IL7: variants seen among roughly 807,000 people sequenced by gnomAD.
The protein encoded by IL7 is interleukin-7.
In IL7, 3 loss-of-function variants were observed where a neutral mutation model predicts 21.6. The observed-to-expected ratio is 0.14, with a 90% confidence interval of 0.06 to 0.36. The LOEUF (loss-of-function observed/expected upper bound fraction) is 0.36, where lower values mean the gene tolerates loss of function less well. Among genes scored for constraint, IL7 ranks in the 10% least tolerant of loss-of-function variants. IL7 has a pLI of 1.00. For synonymous variants in IL7, 62 were observed against 68.1 expected, an observed-to-expected ratio of 0.91 and a Z score of 0.44; for missense variants, 175 against 200.2, an observed-to-expected ratio of 0.87 and a Z score of 0.76.
rs187354723 is a variant in IL7, at chr8:78,783,291, T to A, written c.147+14781A>T. ...CAGGTTGCACCCATCCACGGAAAAATATGGTTTCCTGGGCAGGATGGCCAA... is the reference window on the plus strand; with the variant it reads ...CAGGTTGCACCCATCCACGGAAAAAAATGGTTTCCTGGGCAGGATGGCCAA... On this transcript the variant is annotated intron_variant, in intron 2 of 5. Transcript: ENST00000263851. Among the ~76,000 whole-genome samples the A allele has an allele frequency of 3.9e-4, 60 of 152,204 alleles. No individual in the cohort carries two copies. In the East Asian group the frequency reaches 0.011, roughly 29 times the overall value.
intron 4 of IL7, among the ~76,000 whole-genome samples, chr8:78,684,591 G>A (rs1809900357): frequency 6.6e-6 from 1 of 152,130 alleles, no homozygotes; most frequent in African/African-American, 2.4e-5. Context: ...ATCTTTATTA[G>A]AAGATATGAT....
intron 2 of IL7, among the ~76,000 whole-genome samples, chr8:78,791,170 T>C (rs753827539): frequency 5.9e-5 from 9 of 152,198 alleles, no homozygotes; most frequent in Non-Finnish European, 1.2e-4. Flanking sequence ...ATAGGAAAAC[T>C]ATTTCTGTAT....
chr8:78,695,019 ATGT>A (rs1436842078), intron 3 of IL7, among the ~76,000 whole-genome samples: 1 of 152,110 alleles, frequency 6.6e-6, no homozygotes, highest in Non-Finnish European at 1.5e-5. Flanking sequence ...TTTCAGCTTG[ATGT>A]TGTAGAATAG....
chr8:78,723,081 A>G (rs1563645608), intron 3 of IL7, among the ~76,000 whole-genome samples: 1 of 119,966 alleles, frequency 8.3e-6, no homozygotes. Flanking sequence ...CTATAAAAAT[A>G]TAGAAGTACA....
At chr8:78,737,462 G>GA (rs1044016916) in intron 4 of IL7, among the ~76,000 whole-genome samples, 7 of 151,038 alleles carry the variant, frequency 4.6e-5, no homozygotes, top group Non-Finnish European at 1.5e-5. Context: ...CCAATTTATA[G>GA]AAAAAAAAAG....
At chr8:78,752,523 T>C (rs768861530) in intron 2 of IL7, among the ~76,000 whole-genome samples, 1 of 152,204 alleles carries the variant, frequency 6.6e-6, no homozygotes, top group Non-Finnish European at 1.5e-5. Flanking sequence ...TGATTAGTGA[T>C]CTTGAGCATT....
rs190832144 is a variant in IL7, at chr8:78,680,864, G to C, written n.274-4760C>G. Among the ~76,000 whole-genome samples the C allele has an allele frequency of 5.3e-5, 8 of 152,264 alleles. No individual in the cohort carries two copies. In the East Asian group the frequency reaches 1.5e-3, roughly 29 times the overall value. Reference sequence around the variant, plus strand: ...AGATAGTATCTTTATCTCTTGTTTAGTATAGGCAAGACAGAAACTGGGAGG... The same window carrying C: ...AGATAGTATCTTTATCTCTTGTTTACTATAGGCAAGACAGAAACTGGGAGG... On this transcript the variant is annotated intron_variant and non_coding_transcript_variant, in intron 4 of 4. Transcript: ENST00000523959.
At chr8:78,766,405 TTGTC>T (rs1265954202) in intron 2 of IL7, among the ~76,000 whole-genome samples, 3 of 152,176 alleles carry the variant, frequency 2.0e-5, no homozygotes, top group East Asian at 3.9e-4. Context: ...GTGGGGAAAT[TTGTC>T]TGTGGGCACA....
chr8:78,702,888 AATTTTATTTT>A (rs963621863), intron 3 of IL7, among the ~76,000 whole-genome samples: 1 of 151,834 alleles, frequency 6.6e-6, no homozygotes, highest in East Asian at 1.9e-4. Context: ...TTATGTGATC[AATTTTATTTT>A]ATTTTATTTT....
In IL7 at chr8:78,766,292, A is replaced by C. The variant is rs115772195; in HGVS notation, c.148-26210T>G. Among the ~76,000 whole-genome samples, 146 of 152,262 alleles carry C rather than the reference A, an allele frequency of 9.6e-4. 1 individual carries two copies. Among genetic ancestry groups the C allele is most frequent in the African/African-American group, 3.3e-3 (139 of 41,580 alleles). On this transcript the variant is annotated intron_variant, in intron 2 of 5. Coordinates refer to ENST00000263851, the MANE Select transcript of IL7 (RefSeq NM_000880.4). ...TTTGACAAAACCCATAGTATGTACA[A>C]CACCAAGAGTGAATCTTAATCTAAA...
chr8:78,681,575 T>A (rs1809779290), intron 4 of IL7, among the ~76,000 whole-genome samples: 2 of 152,210 alleles, frequency 1.3e-5, no homozygotes, highest in South Asian at 4.1e-4. Flanking sequence ...TGGAAAGTTG[T>A]TTCGTTGTTT....
chr8:78,745,284 A>G (rs1811942122), intron 2 of IL7, among the ~76,000 whole-genome samples: 1 of 152,202 alleles, frequency 6.6e-6, no homozygotes, highest in African/African-American at 2.4e-5. Context: ...TCTTCTATTG[A>G]ACTTTTTCTT....
intron 5 of IL7, among the ~76,000 whole-genome samples, chr8:78,734,725 A>G (rs998351605): frequency 6.6e-6 from 1 of 152,188 alleles, no homozygotes; most frequent in East Asian, 1.9e-4. Context: ...GATAATTTAG[A>G]TAACAAGTTA....
chr8:78,705,745 G>A (rs879932913), intron 3 of IL7, among the ~76,000 whole-genome samples: 2 of 152,138 alleles, frequency 1.3e-5, no homozygotes, highest in Non-Finnish European at 2.9e-5. Context: ...CAGGGACTTT[G>A]CAAATCTCTG....
chr8:78,715,161 A>G, downstream of IL7: 2 of 1,452,454 alleles, frequency 1.4e-6, no homozygotes, highest in Non-Finnish European at 1.9e-6. Flanking sequence ...TGAATAGGTA[A>G]TTTGAGAAAT....
At chr8:78,678,842 C>G (rs1445612103) in intron 4 of IL7, 1 of 433,154 alleles carries the variant, frequency 2.3e-6, no homozygotes, top group Non-Finnish European at 3.9e-6. Context: ...TAGAAATTAT[C>G]TGAAGCTTAT....
intron 3 of IL7, chr8:78,697,639 AT>A: frequency 1.6e-6 from 1 of 624,880 alleles, no homozygotes; most frequent in Non-Finnish European, 2.6e-6. Context: ...TTAAGTAATT[AT>A]TTTTTAAAAT....
intron 3 of IL7, among the ~76,000 whole-genome samples, chr8:78,704,589 C>T (rs886921582): frequency 1.1e-4 from 16 of 152,060 alleles, no homozygotes; most frequent in African/African-American, 3.6e-4. Flanking sequence ...GGATGATCAT[C>T]TCATGAGTAT....
chr8:78,734,304 A>G (rs1586050671), intron 5 of IL7, among the ~76,000 whole-genome samples: 1 of 152,334 alleles, frequency 6.6e-6, no homozygotes, highest in Admixed American at 6.5e-5. Flanking sequence ...AGAGTATGTC[A>G]GATGCCTGCC....
Sources: gnomAD v4.1 joint callset for allele counts (sites outside exome capture counted in the v4.1 genomes callset) on GRCh38, gnomAD v4.1.1 for gene constraint, MANE v1.5 for transcripts, NCBI Gene and HGNC (gene_info 2026-07-23, HGNC 2026-07-21) for gene names.